Variants in UBASH3B observed in about 807,000 individuals in gnomAD.
UBASH3B encodes ubiquitin-associated and SH3 domain-containing protein B.
Under a neutral mutation model 83.4 loss-of-function variants are expected in UBASH3B, and 37 were observed. The observed-to-expected ratio is 0.44, with a 90% CI of 0.34 to 0.58. The LOEUF is 0.58. UBASH3B is among the 20% of genes least tolerant of loss of function. The pLI, the probability that UBASH3B is intolerant of heterozygous loss-of-function variation, is 0.01. For missense variants in UBASH3B, 657 were observed against 827.2 expected (o/e 0.79, Z 2.52); for synonymous variants, 304 against 318.3 (o/e 0.96, Z 0.48).
intron 2 of UBASH3B, 63 bp downstream of exon 2, chr11:122,776,335 A>G: frequency 6.8e-7 from 1 of 1,473,478 alleles, no homozygotes; most frequent in Non-Finnish European, 9.3e-7. Flanking sequence ...CATGTGGATG[A>G]GTGGGGAGGT....
At chr11:122,803,029 G>A (rs1339586659) in intron 11 of UBASH3B, among the ~76,000 whole-genome samples, 4 of 152,150 alleles carry the variant, frequency 2.6e-5, no homozygotes, top group Non-Finnish European at 5.9e-5. Flanking sequence ...GCCTGTCAAT[G>A]TACACTCAGA....
At chr11:122,711,952 C>T (rs1259483094) in intron 1 of UBASH3B, among the ~76,000 whole-genome samples, 3 of 152,024 alleles carry the variant, frequency 2.0e-5, no homozygotes, top group Non-Finnish European at 2.9e-5. Context: ...AGGAATGTGC[C>T]GGGCATAAAG....
chr11:122,768,900 C>T (rs1319866743), intron 1 of UBASH3B, among the ~76,000 whole-genome samples: 1 of 152,180 alleles, frequency 6.6e-6, no homozygotes, highest in African/African-American at 2.4e-5. Context: ...TTAATCACAA[C>T]GTCTAAAACC....
At chr11:122,756,174 G>A (rs185366001) in intron 1 of UBASH3B, among the ~76,000 whole-genome samples, 1 of 152,352 alleles carries the variant, frequency 6.6e-6, no homozygotes, top group East Asian at 1.9e-4. Flanking sequence ...ATTCTCAAGA[G>A]CTTTTGGCCT....
chr11:122,681,339 T>C (rs1863735671), intron 1 of UBASH3B, among the ~76,000 whole-genome samples: 1 of 152,204 alleles, frequency 6.6e-6, no homozygotes, highest in Non-Finnish European at 1.5e-5. Context: ...CTATTTCTTC[T>C]TGTTCTAGCC....
chr11:122,730,413 A>G (rs1028372107), intron 1 of UBASH3B, among the ~76,000 whole-genome samples: 2 of 152,036 alleles, frequency 1.3e-5, no homozygotes, highest in East Asian at 3.9e-4. Context: ...ACTCCATGCC[A>G]TCCTTGGTAT....
At chr11:122,743,516 T>G (rs1861061511) in intron 1 of UBASH3B, among the ~76,000 whole-genome samples, 1 of 152,214 alleles carries the variant, frequency 6.6e-6, no homozygotes. Flanking sequence ...CCTGGCTGAC[T>G]GATTAAGTCC....
At chr11:122,781,588 G>C (rs893006870) in intron 4 of UBASH3B, among the ~76,000 whole-genome samples, 4 of 152,192 alleles carry the variant, frequency 2.6e-5, no homozygotes, top group Non-Finnish European at 5.9e-5. Flanking sequence ...CTCTGCTGTT[G>C]TGTGGCCCCC....
At position 122,759,835 on chromosome 11, in the gene UBASH3B, CAG is replaced by C. The variant is rs1195055893; in HGVS notation, c.162-16383_162-16382del. Among the ~76,000 whole-genome samples the C allele has an allele frequency of 8.5e-5, 13 of 152,278 alleles. No homozygotes were observed. The highest frequency in any genetic ancestry group is 3.1e-4 in the African/African-American group (13 of 41,556). On this transcript the variant is annotated intron_variant, in intron 1 of 13. Coordinates refer to ENST00000284273, the MANE Select transcript of UBASH3B (RefSeq NM_032873.5). This position sits in a 1 kb window ranked among gnomAD's most constrained non-coding sequence, Gnocchi z 4.1. Reference sequence around the variant, plus strand: ...CACGTACCAGTACCCATCTGTGGCTCAGGGGTTGGAGACACCTGACTTAGATG... The same window carrying C: ...CACGTACCAGTACCCATCTGTGGCTCGGGTTGGAGACACCTGACTTAGATG...
chr11:122,680,559 G>A lies in UBASH3B; in HGVS notation c.161+24349G>A, dbSNP rs57666204. Among the ~76,000 whole-genome samples, 675 of 152,314 alleles carry A rather than the reference G, an allele frequency of 4.4e-3. 4 individuals carry two copies. Among genetic ancestry groups the A allele is most frequent in the African/African-American group, 0.015 (625 of 41,582 alleles). ...GCTCACCGCAACCTCTGACACCTGG[G>A]TTCAAGCGATTCTCCTGCCTCAGCC... On this transcript the variant is annotated intron_variant, in intron 1 of 13. Transcript: ENST00000284273.
chr11:122,799,114 C>A, intron 10 of UBASH3B, 80 bp downstream of exon 10: 1 of 1,196,858 alleles, frequency 8.4e-7, no homozygotes, highest in Non-Finnish European at 1.2e-6. Flanking sequence ...ATCTTAGAGC[C>A]ATGGGACATT....
rs1023640458 is a variant in UBASH3B at position 122,757,933 on chromosome 11, CTT to C, written c.162-18285_162-18284del. On this transcript the variant is annotated intron_variant, in intron 1 of 13. Transcript: ENST00000284273. ...TCCACCATGTTGATGGTCTCTATCTCTTGACCTCATGATCCACCCGCCTCGGC... is the reference window on the plus strand; with the variant it reads ...TCCACCATGTTGATGGTCTCTATCTCGACCTCATGATCCACCCGCCTCGGC... Among the ~76,000 whole-genome samples, 5 of 151,266 alleles carry C rather than the reference CTT, an allele frequency of 3.3e-5. No homozygotes were observed. The East Asian group carries it at 9.8e-4, about 30-fold the overall frequency.
chr11:122,688,790 G>A (rs993177103), intron 1 of UBASH3B, among the ~76,000 whole-genome samples: 6 of 151,902 alleles, frequency 3.9e-5, no homozygotes, highest in South Asian at 4.1e-4. Context: ...GACTACAGGC[G>A]CCCGCCACCA....
chr11:122,766,158 T>C (rs919230646), intron 1 of UBASH3B, among the ~76,000 whole-genome samples: 1 of 152,150 alleles, frequency 6.6e-6, no homozygotes, highest in Non-Finnish European at 1.5e-5. Context: ...AATGGAGGCC[T>C]CCATGAGTCA....
At chr11:122,768,713 C>T (rs139457220) in intron 1 of UBASH3B, among the ~76,000 whole-genome samples, 1,665 of 152,192 alleles carry the variant, frequency 0.011, 19 homozygotes, top group Non-Finnish European at 0.018. Flanking sequence ...ACCATGTTGA[C>T]CAGGCTGGTC....
rs761283376 is a variant in UBASH3B at position 122,693,935 on chromosome 11, T to C, written c.161+37725T>C. ...AGCGATGCATCCATTCATTCAGTCATTCACCCAGTTGTGTTGTGTGCTTAC... is the reference window on the plus strand; with the variant it reads ...AGCGATGCATCCATTCATTCAGTCACTCACCCAGTTGTGTTGTGTGCTTAC... On this transcript the variant is annotated intron_variant, in intron 1 of 13. Transcript: ENST00000284273. Among the ~76,000 whole-genome samples, 4 of 152,148 alleles carry C rather than the reference T, an allele frequency of 2.6e-5. No individual in the cohort carries two copies. In the South Asian group the frequency reaches 8.3e-4, roughly 31 times the overall value.
intron 1 of UBASH3B, among the ~76,000 whole-genome samples, chr11:122,662,733 G>A (rs1264986463): frequency 2.0e-5 from 3 of 151,986 alleles, no homozygotes; most frequent in African/African-American, 7.2e-5. Context: ...GCCCAGCCCA[G>A]TTGCTTTCTT....
chr11:122,783,913 A>G lies in UBASH3B; in HGVS notation c.771+691A>G, dbSNP rs144217289. On this transcript the variant is annotated intron_variant, in intron 5 of 13. Transcript: ENST00000284273. Reference sequence around the variant, plus strand: ...AATCAACATTGCCTTCTAGACAAGTATGTGACATCTTGGAAGCATAATATT... The same window carrying G: ...AATCAACATTGCCTTCTAGACAAGTGTGTGACATCTTGGAAGCATAATATT... 7.1e-4 allele frequency among the ~76,000 whole-genome samples: 108 copies of G among 151,596 alleles called. 3 individuals are homozygous for G. In the Middle Eastern group the frequency reaches 0.041, roughly 58 times the overall value.
rs761053902 is a variant in UBASH3B, at chr11:122,779,654, A to G, written c.560A>G (p.Lys187Arg). The G allele has an allele frequency of 3.2e-5, 52 of 1,614,066 alleles. No homozygotes were observed. Among genetic ancestry groups the G allele is most frequent in the Non-Finnish European group, 4.3e-5 (51 of 1,180,046 alleles). ...GAAGACAGTGCGGAGGTCCTCAAGA[A>G]GTTTGCTGCTGACTTTGCTGCAGAG... ...VKEDSAEVLK[K>R]FAADFAAEAA... is the part of the protein sequence containing the mutation. The change falls in exon 4 of 14, where the codon AAG becomes AGG. Residue 187 changes from lysine (K) to arginine (R), a missense_variant. Lys to Arg is a conservative substitution (Grantham distance 26). Coordinates refer to ENST00000284273, the MANE Select transcript of UBASH3B (RefSeq NM_032873.5).
Sources: gnomAD v4.1 joint callset for allele counts (sites outside exome capture counted in the v4.1 genomes callset) on GRCh38, gnomAD v4.1.1 for gene constraint, Gnocchi (gnomAD v3.1) non-coding constraint, MANE v1.5 for transcripts, NCBI Gene and HGNC (gene_info 2026-07-23, HGNC 2026-07-21) for gene names.